CHD4: variants seen among roughly 807,000 people sequenced by gnomAD.
The protein encoded by CHD4 is ATP-dependent chromatin remodeler CHD4.
CHD4 carries 35 observed loss-of-function variants against 235.5 expected under a neutral mutation model. The observed-to-expected ratio is 0.15, with a 90% CI of 0.11 to 0.20. The LOEUF is 0.20. Among genes scored for constraint, CHD4 ranks in the 10% least tolerant of loss-of-function variants. CHD4 has a pLI of 1.00. For missense variants in CHD4, 1,329 were observed against 2,432.3 expected (o/e 0.55, Z 9.54); for synonymous variants, 900 against 850.2 (o/e 1.06, Z -1.02).
intron 24 of CHD4, 30 bp downstream of exon 24, chr12:6,587,682 C>A: frequency 6.2e-7 from 1 of 1,611,226 alleles, no homozygotes. Flanking sequence ...CCAAGCCCCA[C>A]ACCAAAACGT....
At chr12:6,589,872 A>T (rs1030701649) in intron 22 of CHD4, among the ~76,000 whole-genome samples, 1 of 152,144 alleles carries the variant, frequency 6.6e-6, no homozygotes. Context: ...CTTAAGAGAC[A>T]TTCTACAAAA....
At chr12:6,583,696 G>C (rs1948232331) in intron 25 of CHD4, 1 of 250,666 alleles carries the variant, frequency 4.0e-6, no homozygotes, top group African/African-American at 2.2e-5. Flanking sequence ...ATAGCAAAAA[G>C]AAAAGAGGTC....
intron 14 of CHD4, among the ~76,000 whole-genome samples, 161 bp downstream of exon 14, chr12:6,595,173 G>C (rs563520956): frequency 1.9e-3 from 291 of 151,632 alleles, no homozygotes; most frequent in African/African-American, 6.3e-3. Flanking sequence ...AGTGCTTTCT[G>C]ATATATAGAG....
intron 10 of CHD4, among the ~76,000 whole-genome samples, chr12:6,598,928 C>G (rs552221409): frequency 5.3e-5 from 8 of 152,346 alleles, no homozygotes; most frequent in Middle Eastern, 3.4e-3. Context: ...TTTTGGATTT[C>G]ACATTTTTGG....
intron 13 of CHD4, among the ~76,000 whole-genome samples, chr12:6,595,720 G>A (rs568624167): frequency 3.6e-4 from 54 of 151,448 alleles, no homozygotes; most frequent in Admixed American, 1.9e-3. Context: ...CCCAGGAGGC[G>A]GAGGCTGCAG....
chr12:6,603,822 C>T (rs905674516), intron 2 of CHD4, among the ~76,000 whole-genome samples: 6 of 152,134 alleles, frequency 3.9e-5, no homozygotes, highest in African/African-American at 1.4e-4. Context: ...GCGCATACAA[C>T]CTTCTCCCCA....
intron 22 of CHD4, among the ~76,000 whole-genome samples, chr12:6,590,849 G>A (rs527501940): frequency 1.2e-3 from 181 of 152,242 alleles, no homozygotes; most frequent in African/African-American, 4.1e-3. Context: ...AACAGGCTGG[G>A]CGTGGTGGCT....
At chr12:6,592,335 A>AC in intron 19 of CHD4, 58 bp downstream of exon 19, 1 of 1,524,036 alleles carries the variant, frequency 6.6e-7, no homozygotes, top group South Asian at 1.3e-5. Context: ...GGAATAGGAA[A>AC]CACTCTGCAG....
At chr12:6,595,585 C>G (rs566751935) in intron 13 of CHD4, among the ~76,000 whole-genome samples, 155 bp from the exon 14 acceptor site, 1 of 151,958 alleles carries the variant, frequency 6.6e-6, no homozygotes, top group African/African-American at 2.4e-5. Flanking sequence ...GTCAGGAGAT[C>G]GAGACCAGCC....
rs779298727 is a variant in CHD4 at position 6,570,713 on chromosome 12, G to T, written c.5722-20C>A. The T allele has an allele frequency of 3.1e-6, 5 of 1,614,150 alleles. No homozygotes were observed. In the South Asian group the frequency reaches 5.5e-5, roughly 18 times the overall value. On this transcript the variant is annotated intron_variant, in intron 39 of 39. Transcript: ENST00000544040. ...GGCTACCTAGAGAAGGAGACCCGAGGAGTCAGAATTCCAGATGATAGGAAT... is the reference window on the plus strand; with the variant it reads ...GGCTACCTAGAGAAGGAGACCCGAGTAGTCAGAATTCCAGATGATAGGAAT...
intron 25 of CHD4, chr12:6,584,141 C>CT (rs1221415584): frequency 6.6e-6 from 1 of 152,004 alleles, no homozygotes; most frequent in African/African-American, 2.4e-5. Flanking sequence ...CATTTACAGA[C>CT]TTTTTTCTTG....
At position 6,601,072 on chromosome 12, in the gene CHD4, C is replaced by T. The variant is rs1468640394; in HGVS notation, c.800-19G>A. The T allele has an allele frequency of 5.2e-6, 8 of 1,545,460 alleles. No individual in the cohort carries two copies. The highest frequency in any genetic ancestry group is 2.8e-5 in the African/African-American group (2 of 72,090). On this transcript the variant is annotated intron_variant, in intron 6 of 39. Transcript: ENST00000544040. ...TTGGGACCTAAAATCAGGATATATC[C>T]AAATATATACCACAAGACCAAAGAT...
At chr12:6,604,069 G>C (rs534351757) in intron 2 of CHD4, among the ~76,000 whole-genome samples, 1 of 152,314 alleles carries the variant, frequency 6.6e-6, no homozygotes, top group African/African-American at 2.4e-5. Context: ...TTTGAGGTCA[G>C]TTCGAAACCA....
chr12:6,587,737 T>C lies in CHD4; in HGVS notation c.3678A>G (p.Leu1226=), dbSNP rs1948324991. 1.9e-6 allele frequency: 3 copies of C among 1,614,194 alleles called. No individual in the cohort carries two copies. The African/African-American group carries it at 4.0e-5, about 22-fold the overall frequency. The change falls in exon 24 of 40, where the codon CTA becomes CTG. Residue 1226 remains leucine (L), a synonymous_variant. Transcript: ENST00000544040. ...CTCCATCAGTGGCTTCATCCTTGAATAGTTCCTCAGTGCCAAATTTGAGGA... is the reference window on the plus strand; with the variant it reads ...CTCCATCAGTGGCTTCATCCTTGAACAGTTCCTCAGTGCCAAATTTGAGGA... The part of the protein sequence containing the change: ...DDILKFGTEE[L]FKDEATDGGG...
In CHD4 at chr12:6,601,719, G is replaced by A. The variant is rs1948594218; in HGVS notation, c.486C>T (p.Asp162=). 3.7e-6 allele frequency: 6 copies of A among 1,614,204 alleles called. No homozygotes were observed. The highest frequency in any genetic ancestry group is 5.1e-6 in the Non-Finnish European group (6 of 1,180,044). ...AQLLEDWGME[D]IDHVFSEEDY... ...CCTCCTCTGAGAACACGTGGTCAAT[G>A]TCTTCCATGCCCCAGTCTTCCAGGA... Residue 162 remains aspartate, a synonymous_variant, in exon 5 of 40, where the codon GAC becomes GAT. Coordinates refer to ENST00000544040, the MANE Select transcript of CHD4 (RefSeq NM_001273.5).
intron 22 of CHD4, among the ~76,000 whole-genome samples, chr12:6,589,274 T>C (rs1201109534): frequency 6.6e-6 from 1 of 152,208 alleles, no homozygotes; most frequent in African/African-American, 2.4e-5. Context: ...AATACTAATA[T>C]CGGTGTGAAA....
chr12:6,580,959 A>G lies in CHD4; in HGVS notation c.4909+85T>C, dbSNP rs552565191. On this transcript the variant is annotated intron_variant, in intron 33 of 39. Coordinates refer to ENST00000544040, the MANE Select transcript of CHD4 (RefSeq NM_001273.5). Reference sequence around the variant, plus strand: ...GAGGTGGAGGTTGCAGTAAGCCAAGATCGCGCCACAGCACTCCAGCCTGGC... The same window carrying G: ...GAGGTGGAGGTTGCAGTAAGCCAAGGTCGCGCCACAGCACTCCAGCCTGGC... The G allele has an allele frequency of 3.3e-6, 5 of 1,502,154 alleles. No homozygotes were observed. The African/African-American group carries it at 4.2e-5, about 13-fold the overall frequency. The allele number at this position is 1,502,154 out of a possible 1,614,324, so 93.1% of individuals were successfully genotyped here. A position where few individuals can be genotyped will look rare whatever the true frequency, so the allele number is the denominator to read the frequency against.
At position 6,606,432 on chromosome 12, in the gene CHD4, C is replaced by T. The variant is rs1948701901; in HGVS notation, c.-59G>A. 9.0e-7 allele frequency: 1 copy of T among 1,113,736 alleles called. No homozygotes were observed. The highest frequency in any genetic ancestry group is 1.3e-6 in the Non-Finnish European group (1 of 771,000). 69.0% of individuals were successfully genotyped at this position (1,113,736 alleles called of 1,614,324 possible). ...CTGCTCCTGCCGGCGGCCTGAGGAC[C>T]TCTACACTGGCCCGAGTCACTGTGC... is the stretch of plus-strand genomic sequence containing the variant. On this transcript the variant is annotated 5_prime_UTR_variant, in exon 2 of 40. Coordinates refer to ENST00000544040, the MANE Select transcript of CHD4 (RefSeq NM_001273.5).
chr12:6,573,473 A>G (rs1181979978), intron 37 of CHD4: 2 of 383,144 alleles, frequency 5.2e-6, no homozygotes, highest in Non-Finnish European at 9.2e-6. Context: ...CTCATTTTTA[A>G]AACTCTTTAC....
Sources: allele counts gnomAD v4.1 joint callset (sites outside exome capture counted in the v4.1 genomes callset), GRCh38; gene constraint gnomAD v4.1.1; transcripts MANE v1.5; gene names NCBI Gene and HGNC (gene_info 2026-07-23, HGNC 2026-07-21).